OPA3: variants seen among roughly 807,000 people sequenced by gnomAD.
OPA3 encodes outer mitochondrial membrane lipid metabolism regulator OPA3, also known as optic atrophy 3 protein.
In OPA3, 6 loss-of-function variants were observed where a neutral mutation model predicts 4.0. That is an observed-to-expected ratio of 1.51 (90% CI 0.83 to 2.99). The LOEUF (loss-of-function observed/expected upper bound fraction) is 2.99. OPA3 is among the 30% of genes most tolerant of loss of function. OPA3 has a pLI of 0.00. For missense variants in OPA3, 235 were observed against 256.2 expected (o/e 0.92, Z 0.56); for synonymous variants, 105 against 117.1 (o/e 0.90, Z 0.67).
chr19:45,533,645 G>GCAGGCCAGGC (rs892657471), intron 1 of OPA3, among the ~76,000 whole-genome samples: 3 of 152,126 alleles, frequency 2.0e-5, no homozygotes, highest in Non-Finnish European at 4.4e-5. Context: ...GTACTCCAGG[G>GCAGGCCAGGC]CAGGCCAGGC....
chr19:45,553,668 A>C lies in OPA3; in HGVS notation c.386T>G (p.Leu129Arg), dbSNP rs1324813776. 1 of 1,605,102 alleles carries C rather than the reference A, an allele frequency of 6.2e-7. No individual in the cohort carries two copies. The highest frequency in any genetic ancestry group is 8.5e-7 in the Non-Finnish European group (1 of 1,178,448). Residue 129 changes from leucine to arginine, a missense_variant, in exon 2 of 2, where the codon CTG becomes CGG. Leu to Arg is a moderately radical substitution (Grantham distance 102, BLOSUM62 -2). Transcript: ENST00000263275. ...CTGCAGCGCTTCCAGCGCCAGCGCC[A>C]GGTGGCCCACCTCGTCCCGCAGCGC... ...WNALRDEVGH[L>R]ALALEALQAQ...
In OPA3 at chr19:45,529,218, GC is replaced by G. The variant is rs1555730165; in HGVS notation, c.380del (p.Gly127AlafsTer89). On this transcript the variant is annotated frameshift_variant, in exon 2 of 2. Transcript: ENST00000323060. LOFTEE classifies it low-confidence loss of function (END_TRUNC). ...ACTCCTCGAGCGCCAGCCCCAAGTG[GC>G]CCACCTCGCCCCGCAGCGCCTCCCT... The G allele has an allele frequency of 1.2e-6, 2 of 1,612,392 alleles. No homozygotes were observed. Among genetic ancestry groups the G allele is most frequent in the South Asian group, 2.2e-5 (2 of 91,070 alleles).
chr19:45,555,808 A>T (rs529924744), intron 1 of OPA3, among the ~76,000 whole-genome samples: 40 of 151,994 alleles, frequency 2.6e-4, no homozygotes, highest in South Asian at 8.3e-4. Context: ...TATTTTTTTT[A>T]AAATAGAGAT....
intron 1 of OPA3, among the ~76,000 whole-genome samples, chr19:45,533,539 GA>G (rs1211600394): frequency 2.0e-5 from 3 of 152,196 alleles, no homozygotes; most frequent in Non-Finnish European, 4.4e-5. Flanking sequence ...TTGTGCTACA[GA>G]TGTACGTTGT....
rs202205093 is a variant in OPA3 at position 45,529,341 on chromosome 19, C to G, written c.258G>C (p.Glu86Asp). The G allele has an allele frequency of 8.1e-5, 131 of 1,614,088 alleles. No individual in the cohort carries two copies. The highest frequency in any genetic ancestry group is 3.5e-4 in the Admixed American group (21 of 60,012). The change falls in exon 2 of 2, where the codon GAG (glutamate) becomes GAC (aspartate). Residue 86 changes from glutamate to aspartate, a missense_variant. Glu to Asp is a conservative substitution (Grantham distance 45). Transcript: ENST00000323060. The stretch of plus-strand genomic sequence containing the variant: ...TGCAGGCGGTGATGAAGATGATGCC[C>G]TCGCCCAGCAGCTCCGCGCCCAGCT...
At chr19:45,578,620 G>A (rs1370643145) in intron 1 of OPA3, among the ~76,000 whole-genome samples, 6 of 152,096 alleles carry the variant, frequency 3.9e-5, no homozygotes, top group African/African-American at 4.8e-5. Context: ...CTGACGTTGG[G>A]AGTTAGAGAC....
intron 1 of OPA3, among the ~76,000 whole-genome samples, chr19:45,582,605 G>A (rs1969873077): frequency 6.6e-6 from 1 of 152,140 alleles, no homozygotes; most frequent in African/African-American, 2.4e-5. Flanking sequence ...AGCCAGGAGT[G>A]CTGATTGGTC....
chr19:45,553,073 CCTT>C lies in OPA3; in HGVS notation c.*438_*440del. 9.2e-7 allele frequency: 1 copy of C among 1,082,914 alleles called. No homozygotes were observed. Among genetic ancestry groups the C allele is most frequent in the Admixed American group, 4.9e-5 (1 of 20,542 alleles). The allele number at this position is 1,082,914 out of a possible 1,614,324, so 67.1% of individuals were successfully genotyped here. ...AAGGCCACTGCAACACACTGCATTT[CCTT>C]ACAGTGGTCTGTGCCGATTGACAAA... On this transcript the variant is annotated 3_prime_UTR_variant, in exon 2 of 2. Coordinates refer to ENST00000263275, the MANE Select transcript of OPA3 (RefSeq NM_025136.4).
chr19:45,563,198 C>T (rs1330620690), intron 1 of OPA3, among the ~76,000 whole-genome samples: 4 of 152,160 alleles, frequency 2.6e-5, no homozygotes, highest in Non-Finnish European at 4.4e-5. Flanking sequence ...CTCACTGTGT[C>T]GCCCAGGCTG....
chr19:45,580,117 C>T (rs1346386464), intron 1 of OPA3, among the ~76,000 whole-genome samples: 3 of 151,652 alleles, frequency 2.0e-5, no homozygotes, highest in Non-Finnish European at 4.4e-5. Flanking sequence ...CTGCCTCAGC[C>T]TCCCGAGTAG....
At chr19:45,535,958 G>T (rs1363490148) in intron 1 of OPA3, among the ~76,000 whole-genome samples, 1 of 151,722 alleles carries the variant, frequency 6.6e-6, no homozygotes, top group African/African-American at 2.4e-5. Context: ...CGGGTGTGAT[G>T]GCTCATGCCT....
intron 1 of OPA3, among the ~76,000 whole-genome samples, chr19:45,559,393 CTTTCTTTTTT>C (rs1490948508): frequency 5.1e-5 from 5 of 97,824 alleles, no homozygotes; most frequent in East Asian, 3.7e-4. Flanking sequence ...CCCTCTTTTT[CTTTCTTTTTT>C]TTTTTTTTTT....
intron 1 of OPA3, among the ~76,000 whole-genome samples, chr19:45,536,232 AAAAAAAAAAAAATT>A (rs1251192853): frequency 1.1e-3 from 173 of 150,444 alleles, no homozygotes; most frequent in African/African-American, 3.6e-3. Context: ...TATCTCAAAA[AAAAAAAAAAAAATT>A]AAAAAAAAAA....
intron 1 of OPA3, among the ~76,000 whole-genome samples, chr19:45,571,322 T>C (rs922196590): frequency 2.5e-4 from 6 of 23,968 alleles, no homozygotes; most frequent in African/African-American, 6.0e-4. Context: ...TTTTTGTATT[T>C]TTTTAGTAGA....
At chr19:45,566,140 C>CT (rs996500152) in intron 1 of OPA3, among the ~76,000 whole-genome samples, 6 of 151,234 alleles carry the variant, frequency 4.0e-5, no homozygotes, top group African/African-American at 1.5e-4. Context: ...GTTTAATATT[C>CT]TTTTTTTTAT....
In OPA3 at chr19:45,546,962, C is replaced by A. The variant is rs188922477; in HGVS notation, c.*6552G>T. 1.3e-5 allele frequency: 2 copies of A among 152,298 alleles called. No individual in the cohort carries two copies. The highest frequency in any genetic ancestry group is 1.5e-5 in the Non-Finnish European group (1 of 68,130). 9.4% of individuals were successfully genotyped at this position (152,298 alleles called of 1,614,324 possible). A position where few individuals can be genotyped will look rare whatever the true frequency, so the allele number is the denominator to read the frequency against. ...GAGATTACAGGCGTGAGCCACCGCGCCTGGCCTAAAACTCTGCTTCTTATT... is the reference window on the plus strand; with the variant it reads ...GAGATTACAGGCGTGAGCCACCGCGACTGGCCTAAAACTCTGCTTCTTATT... On this transcript the variant is annotated 3_prime_UTR_variant, in exon 2 of 2. Coordinates refer to ENST00000263275, the MANE Select transcript of OPA3 (RefSeq NM_025136.4).
chr19:45,529,245 G>A (rs768169499), exon 2 of OPA3: 16 of 1,613,494 alleles, frequency 9.9e-6, no homozygotes, highest in Non-Finnish European at 1.4e-5. Flanking sequence ...GCGCCTCCCT[G>A]GCAACACGTC....
At chr19:45,544,104 T>C (rs985382579), downstream of OPA3, among the ~76,000 whole-genome samples, 2 of 152,190 alleles carry the variant, frequency 1.3e-5, no homozygotes, top group Non-Finnish European at 2.9e-5. Flanking sequence ...CCCAGTGACT[T>C]GCCCAAGCTC....
At chr19:45,576,004 C>T (rs1038510699) in intron 1 of OPA3, among the ~76,000 whole-genome samples, 18 of 152,134 alleles carry the variant, frequency 1.2e-4, no homozygotes, top group Non-Finnish European at 1.8e-4. Flanking sequence ...GAGGCCAAGG[C>T]GGGTGGATCA....
Sources: allele counts gnomAD v4.1 joint callset (sites outside exome capture counted in the v4.1 genomes callset), GRCh38; gene constraint gnomAD v4.1.1; transcripts MANE v1.5; gene names NCBI Gene and HGNC (gene_info 2026-07-23, HGNC 2026-07-21).